CPSF7: variants seen among roughly 807,000 people sequenced by gnomAD.
CPSF7 encodes cleavage and polyadenylation specificity factor subunit 7.
A neutral mutation model predicts 44.3 loss-of-function variants in CPSF7; 1 was observed. The observed-to-expected ratio is 0.02, with a 90% CI of 0.01 to 0.11. CPSF7 has a LOEUF of 0.11. Among genes scored for constraint, CPSF7 ranks in the 10% least tolerant of loss-of-function variants. CPSF7 has a pLI of 1.00. For missense variants in CPSF7, 443 were observed against 607.2 expected (o/e 0.73, Z 2.84); for synonymous variants, 202 against 222.0 (o/e 0.91, Z 0.80).
In CPSF7 at chr11:61,409,987, G is replaced by A. The variant is rs117732409; in HGVS notation, c.*5+951C>T. ...TCTGTCTCAAAAAAAAAAAGATAGG[G>A]TTTCACTATGTTGCTCAGGCTGGTC... On this transcript the variant is annotated intron_variant, in intron 9 of 9. Coordinates refer to ENST00000439958, the MANE Select transcript of CPSF7 (RefSeq NM_001142565.3). 5.9e-3 allele frequency among the ~76,000 whole-genome samples: 899 copies of A among 152,096 alleles called. 5 individuals are homozygous for A. The highest frequency in any genetic ancestry group is 9.7e-3 in the Non-Finnish European group (659 of 67,978).
chr11:61,414,820 G>A (rs1354186008), intron 7 of CPSF7, among the ~76,000 whole-genome samples: 7 of 152,312 alleles, frequency 4.6e-5, no homozygotes, highest in Non-Finnish European at 8.8e-5. Context: ...AATGAGAGCA[G>A]GGCAAAAGTT....
In CPSF7 at chr11:61,416,059, C is replaced by T. The variant is rs762697347; in HGVS notation, c.938+46G>A. The T allele has an allele frequency of 2.8e-6, 4 of 1,446,252 alleles. No individual in the cohort carries two copies. In the East Asian group the frequency reaches 7.1e-5, roughly 26 times the overall value. The allele number at this position is 1,446,252 out of a possible 1,614,324, so 89.6% of individuals were successfully genotyped here. ...CTCAGGGAGAATAAAATGCTTAATA[C>T]ACTTATTTACCCTGGCTCAAATCTG... On this transcript the variant is annotated intron_variant, in intron 6 of 9. Transcript: ENST00000439958.
chr11:61,425,389 C>T (rs1382355701), intron 2 of CPSF7, among the ~76,000 whole-genome samples: 2 of 152,220 alleles, frequency 1.3e-5, no homozygotes, highest in Non-Finnish European at 2.9e-5. Flanking sequence ...TTTACATGCA[C>T]TGATGTTCAA....
chr11:61,423,992 C>T (rs1386870472), intron 2 of CPSF7, among the ~76,000 whole-genome samples: 1 of 152,090 alleles, frequency 6.6e-6, no homozygotes, highest in African/African-American at 2.4e-5. Flanking sequence ...TCTAAGAAAC[C>T]CACCAGGAGG....
intron 8 of CPSF7, 54 bp from the exon 9 acceptor site, chr11:61,411,159 G>T: frequency 6.5e-7 from 1 of 1,529,334 alleles, no homozygotes; most frequent in East Asian, 2.3e-5. Flanking sequence ...TTCTTTCCAA[G>T]AATGTGGTGT....
At chr11:61,410,096 G>A (rs903153270) in intron 9 of CPSF7, among the ~76,000 whole-genome samples, 5 of 146,206 alleles carry the variant, frequency 3.4e-5, no homozygotes, top group South Asian at 2.3e-4. Context: ...GCACCCACCC[G>A]CCCCTCCTCC....
Position 61,410,832 on chromosome 11 carries a change from C to T in CPSF7, c.*5+106G>A. On this transcript the variant is annotated intron_variant, in intron 9 of 9. Transcript: ENST00000439958. ...CAGTTATGTAAATCAGAAGTTCCCC[C>T]TACCCTTGCTGCATTTACTTTTGCT... The T allele has an allele frequency of 2.5e-6, 3 of 1,211,394 alleles. No individual in the cohort carries two copies. The South Asian group carries it at 4.8e-5, about 19-fold the overall frequency. 75.0% of individuals were successfully genotyped at this position (1,211,394 alleles called of 1,614,324 possible).
At chr11:61,417,093 G>A (rs574269553) in intron 5 of CPSF7, among the ~76,000 whole-genome samples, 2 of 152,278 alleles carry the variant, frequency 1.3e-5, no homozygotes, top group Admixed American at 6.5e-5. Flanking sequence ...AGACACACAT[G>A]AAGACTAGAC....
At chr11:61,414,865 C>G (rs1172042854) in intron 7 of CPSF7, among the ~76,000 whole-genome samples, 1 of 152,218 alleles carries the variant, frequency 6.6e-6, no homozygotes, top group African/African-American at 2.4e-5. Context: ...AAGATGACAT[C>G]TACAGACTTG....
chr11:61,416,739 GAATGTTTTCCATCCAT>G (rs368214629), intron 5 of CPSF7, among the ~76,000 whole-genome samples: 5,369 of 152,228 alleles, frequency 0.035, 313 homozygotes, highest in African/African-American at 0.12. Context: ...TCCTGTCAAA[GAATGTTTTCCATCCAT>G]AACTCCAGAA....
chr11:61,403,291 C>T lies in CPSF7; in HGVS notation c.*1419G>A, dbSNP rs1194083446. ...GTCTCACATGCCAAGTCTCATCTCA[C>T]ATGCCACGTCTCATGTTAGGTGTCA... On this transcript the variant is annotated 3_prime_UTR_variant, in exon 10 of 10. Transcript: ENST00000439958. The T allele has an allele frequency of 6.6e-6, 1 of 152,228 alleles. No homozygotes were observed. The highest frequency in any genetic ancestry group is 1.9e-4 in the East Asian group (1 of 5,196). 9.4% of individuals were successfully genotyped at this position (152,228 alleles called of 1,614,324 possible).
At position 61,429,952 on chromosome 11, in the gene CPSF7, C is replaced by G; in HGVS notation, c.-94G>C. 1 of 1,367,482 alleles carries G rather than the reference C, an allele frequency of 7.3e-7. No homozygotes were observed. The highest frequency in any genetic ancestry group is 9.8e-7 in the Non-Finnish European group (1 of 1,018,282). 84.7% of individuals were successfully genotyped at this position (1,367,482 alleles called of 1,614,324 possible). ...GCGGCGGCGGCGAGTCCGGACTAGG[C>G]CCGAAGCGCGCGAACCGCTCTCCGC... On this transcript the variant is annotated 5_prime_UTR_variant, in exon 1 of 10. Coordinates refer to ENST00000439958, the MANE Select transcript of CPSF7 (RefSeq NM_001142565.3).
chr11:61,405,751 G>T (rs1269178950), intron 9 of CPSF7, among the ~76,000 whole-genome samples: 1 of 152,166 alleles, frequency 6.6e-6, no homozygotes, highest in South Asian at 2.1e-4. Context: ...ATAAAACCTA[G>T]AGGAGACATC....
chr11:61,415,670 A>G lies in CPSF7; in HGVS notation c.1053T>C (p.Ser351=). Residue 351 remains serine (S), a synonymous_variant, in exon 7 of 10, where the codon AGT becomes AGC. Transcript: ENST00000439958. ...SAISKAVSGA[S]AGDYSDAIET... ...CAAAGGTAAGCACTGAGTTACCTGC[A>G]CTGGCTCCAGATACTGCTTTGGAAA... The G allele has an allele frequency of 1.2e-6, 2 of 1,604,102 alleles. No homozygotes were observed.
intron 5 of CPSF7, 129 bp downstream of exon 5, chr11:61,419,820 A>G (rs1860697271): frequency 1.8e-6 from 2 of 1,137,158 alleles, no homozygotes; most frequent in Non-Finnish European, 2.5e-6. Flanking sequence ...ACTCACAACC[A>G]CCATCACCCT....
At chr11:61,409,456 G>A (rs751844253) in intron 9 of CPSF7, among the ~76,000 whole-genome samples, 3 of 152,220 alleles carry the variant, frequency 2.0e-5, no homozygotes, top group Admixed American at 6.5e-5. Context: ...GGGCAAGAGT[G>A]AGACTCTGTC....
rs756856778 is a variant in CPSF7 at position 61,420,577 on chromosome 11, G to A, written c.274-4C>T. On this transcript the variant is annotated splice_region_variant and splice_polypyrimidine_tract_variant and intron_variant, in intron 3 of 9. Coordinates refer to ENST00000439958, the MANE Select transcript of CPSF7 (RefSeq NM_001142565.3). ...TCAGCTGCTGGTCTGTGGTCCACTG[G>A]GGCCGGCAAGATGGAAAAGGAAGAG... is the stretch of plus-strand genomic sequence containing the variant. 1 of 1,611,384 alleles carries A rather than the reference G, an allele frequency of 6.2e-7. No homozygotes were observed. Among genetic ancestry groups the A allele is most frequent in the East Asian group, 2.2e-5 (1 of 44,878 alleles).
chr11:61,414,654 T>C (rs939954360), intron 7 of CPSF7, among the ~76,000 whole-genome samples: 34 of 152,222 alleles, frequency 2.2e-4, no homozygotes, highest in African/African-American at 8.2e-4. Context: ...TTTACATTCA[T>C]GTAGGAAACT....
At position 61,415,604 on chromosome 11, in the gene CPSF7, A is replaced by C. The variant is rs1249920285; in HGVS notation, c.1057+62T>G. The C allele has an allele frequency of 2.7e-6, 3 of 1,099,214 alleles. No homozygotes were observed. The East Asian group carries it at 7.1e-5, about 26-fold the overall frequency. 68.1% of individuals were successfully genotyped at this position (1,099,214 alleles called of 1,614,324 possible). ...TGTTGAACTTTTGCCAGTAGAAATG[A>C]CAAAATCAGGAAAAAAAAGTAAAGG... On this transcript the variant is annotated intron_variant, in intron 7 of 9. Coordinates refer to ENST00000439958, the MANE Select transcript of CPSF7 (RefSeq NM_001142565.3).
Sources: allele counts gnomAD v4.1 joint callset (sites outside exome capture counted in the v4.1 genomes callset), GRCh38; gene constraint gnomAD v4.1.1; transcripts MANE v1.5; gene names NCBI Gene and HGNC (gene_info 2026-07-23, HGNC 2026-07-21).